Variants in DPYD observed in about 807,000 individuals in gnomAD.
DPYD encodes the protein dihydropyrimidine dehydrogenase.
In DPYD, 109 loss-of-function variants were observed where a neutral mutation model predicts 116.2. The ratio of observed to expected loss-of-function variants is 0.94; its 90% confidence interval spans 0.80 to 1.10. The LOEUF (loss-of-function observed/expected upper bound fraction) is 1.10. Among genes scored for constraint, DPYD ranks in the 50% least tolerant of loss-of-function variants. The probability of loss-of-function intolerance (pLI) is 0.00; values close to 1 mark genes in which losing one functional copy is unlikely to be tolerated. For synonymous variants in DPYD, 440 were observed against 432.0 expected, an observed-to-expected ratio of 1.02 and a Z score of -0.23; for missense variants, 1,302 against 1,254.5, an observed-to-expected ratio of 1.04 and a Z score of -0.57.
At chr1:97,336,296 T>C (rs1449322978) in intron 16 of DPYD, among the ~76,000 whole-genome samples, 13 of 152,176 alleles carry the variant, frequency 8.5e-5, no homozygotes, top group Admixed American at 7.9e-4. Context: ...AAATCAATTT[T>C]GAAAGTTTTA....
chr1:97,866,168 T>A (rs1671365882), intron 2 of DPYD, among the ~76,000 whole-genome samples: 1 of 151,988 alleles, frequency 6.6e-6, no homozygotes, highest in Non-Finnish European at 1.5e-5. Flanking sequence ...AAACCTCTAT[T>A]TTCCATTCAT....
At chr1:97,282,957 C>T (rs1244147797) in intron 18 of DPYD, among the ~76,000 whole-genome samples, 2 of 152,066 alleles carry the variant, frequency 1.3e-5, no homozygotes, top group East Asian at 1.9e-4. Flanking sequence ...TTTATTCAGT[C>T]CACTGCTGAT....
intron 3 of DPYD, among the ~76,000 whole-genome samples, chr1:97,779,702 T>A (rs1050288645): frequency 2.6e-5 from 4 of 152,124 alleles, no homozygotes; most frequent in African/African-American, 9.6e-5. Flanking sequence ...ATATAAGAAA[T>A]CATGGCGTGC....
At chr1:97,445,383 T>G (rs111969214) in intron 14 of DPYD, among the ~76,000 whole-genome samples, 144 of 152,352 alleles carry the variant, frequency 9.5e-4, no homozygotes, top group African/African-American at 3.4e-3. Context: ...GTATATAACA[T>G]GCATGTTTGT....
At chr1:97,218,321 A>T (rs1358011021) in intron 19 of DPYD, among the ~76,000 whole-genome samples, 1 of 152,162 alleles carries the variant, frequency 6.6e-6, no homozygotes, top group Non-Finnish European at 1.5e-5. Context: ...AGGAAACTGA[A>T]TGTACTGATT....
chr1:97,307,404 CT>C (rs760847714), intron 16 of DPYD, among the ~76,000 whole-genome samples: 1 of 151,692 alleles, frequency 6.6e-6, no homozygotes, highest in Non-Finnish European at 1.5e-5. Context: ...GCATTTTAAC[CT>C]TTCGAATTCC....
chr1:97,446,205 GTTAC>G (rs751496402), intron 14 of DPYD, among the ~76,000 whole-genome samples: 9 of 152,246 alleles, frequency 5.9e-5, no homozygotes, highest in Non-Finnish European at 1.0e-4. Flanking sequence ...TCACTAGATT[GTTAC>G]TTAGTGCCTT....
At chr1:97,851,806 T>C (rs1233434643) in intron 2 of DPYD, among the ~76,000 whole-genome samples, 1 of 151,914 alleles carries the variant, frequency 6.6e-6, no homozygotes. Flanking sequence ...ATTTTCTGTC[T>C]ACATTTGTCT....
At chr1:97,468,371 T>G (rs1677445677) in intron 13 of DPYD, among the ~76,000 whole-genome samples, 1 of 152,136 alleles carries the variant, frequency 6.6e-6, no homozygotes, top group Non-Finnish European at 1.5e-5. Flanking sequence ...TAGAGGTAAT[T>G]AGGTCATGAG....
intron 18 of DPYD, among the ~76,000 whole-genome samples, chr1:97,274,933 G>A (rs1334447782): frequency 6.6e-6 from 1 of 152,192 alleles, no homozygotes; most frequent in Non-Finnish European, 1.5e-5. Context: ...GGATGCATAA[G>A]ATGCATGGAA....
At chr1:97,734,803 A>G (rs1279038429) in intron 4 of DPYD, among the ~76,000 whole-genome samples, 1 of 152,026 alleles carries the variant, frequency 6.6e-6, no homozygotes, top group Non-Finnish European at 1.5e-5. Context: ...AAGGGTCTCC[A>G]AGCATATAGG....
At chr1:97,273,594 G>A (rs1023389234) in intron 18 of DPYD, among the ~76,000 whole-genome samples, 1 of 152,254 alleles carries the variant, frequency 6.6e-6, no homozygotes, top group African/African-American at 2.4e-5. Context: ...TTATAAATTG[G>A]AAAGTCTTTT....
intron 16 of DPYD, among the ~76,000 whole-genome samples, chr1:97,327,238 A>C (rs1668755692): frequency 6.6e-6 from 1 of 152,012 alleles, no homozygotes; most frequent in African/African-American, 2.4e-5. Context: ...ATTTTCTTTC[A>C]AATTATCCCT....
intron 1 of DPYD, among the ~76,000 whole-genome samples, chr1:97,914,078 G>A (rs556801701): frequency 6.6e-6 from 1 of 152,212 alleles, no homozygotes; most frequent in East Asian, 1.9e-4. Context: ...GACACAGATT[G>A]TCTCTTTAAT....
chr1:97,359,224 T>C (rs775542209), intron 16 of DPYD, among the ~76,000 whole-genome samples: 2 of 151,720 alleles, frequency 1.3e-5, no homozygotes, highest in African/African-American at 2.4e-5. Flanking sequence ...TGATTGAAGA[T>C]CAAATTAATG....
intron 18 of DPYD, among the ~76,000 whole-genome samples, chr1:97,271,032 A>G (rs1461204172): frequency 6.6e-6 from 1 of 152,214 alleles, no homozygotes; most frequent in Non-Finnish European, 1.5e-5. Flanking sequence ...AACACACTGA[A>G]AGTATGTTTC....
rs567891708 is a variant in DPYD at position 97,163,050 on chromosome 1, C to A, written c.2622+30019G>T. 1.3e-3 allele frequency among the ~76,000 whole-genome samples: 192 copies of A among 151,384 alleles called. 1 individual carries two copies. Among genetic ancestry groups the A allele is most frequent in the African/African-American group, 4.4e-3 (183 of 41,278 alleles). On this transcript the variant is annotated intron_variant, in intron 20 of 22. Coordinates refer to ENST00000370192, the MANE Select transcript of DPYD (RefSeq NM_000110.4). ...ACCCTAGAAGAAAACCTAGGCATTA[C>A]CATTCAGGACATAGGCATGGGCAAG...
chr1:97,610,827 C>T (rs1655897122), intron 8 of DPYD, among the ~76,000 whole-genome samples: 1 of 151,934 alleles, frequency 6.6e-6, no homozygotes, highest in Non-Finnish European at 1.5e-5. Context: ...TCATGATTAG[C>T]TGCTTACAAA....
rs1305470263 is a variant in DPYD, at chr1:97,078,499, A to G, written c.*477T>C. ...TCATTTGTACTTTATGGAGCTAACT[A>G]CATTTTCTTAGAAACAGCATTAAAA... is the stretch of plus-strand genomic sequence containing the variant. On this transcript the variant is annotated 3_prime_UTR_variant, in exon 23 of 23. Transcript: ENST00000370192. 1 of 186,098 alleles carries G rather than the reference A, an allele frequency of 5.4e-6. No homozygotes were observed. The highest frequency in any genetic ancestry group is 1.1e-5 in the Non-Finnish European group (1 of 88,132). The allele number at this position is 186,098 out of a possible 1,614,324, so 11.5% of individuals were successfully genotyped here.
Sources: allele counts gnomAD v4.1 joint callset (sites outside exome capture counted in the v4.1 genomes callset), GRCh38; gene constraint gnomAD v4.1.1; transcripts MANE v1.5; gene names NCBI Gene and HGNC (gene_info 2026-07-23, HGNC 2026-07-21).